CEPT1: variants seen among roughly 807,000 people sequenced by gnomAD.
CEPT1 encodes choline/ethanolamine phosphotransferase 1.
A neutral mutation model predicts 42.6 loss-of-function variants in CEPT1; 7 were observed. The observed-to-expected ratio is 0.16, with a 90% confidence interval of 0.09 to 0.31. The LOEUF (loss-of-function observed/expected upper bound fraction) is 0.31, where lower values mean the gene tolerates loss of function less well. Ranked by LOEUF, CEPT1 falls within the 10% of genes least tolerant of loss-of-function variation. The pLI is 1.00. For missense variants in CEPT1, 306 were observed against 502.1 expected (o/e 0.61, Z 3.73); for synonymous variants, 171 against 171.9 (o/e 0.99, Z 0.04).
rs1165425162 is a variant in CEPT1 at position 111,147,847 on chromosome 1, A to G, written c.133A>G (p.Arg45Gly). 1.9e-6 allele frequency: 3 copies of G among 1,614,062 alleles called. No homozygotes were observed. In the African/African-American group the frequency reaches 4.0e-5, roughly 22 times the overall value. Reference sequence around the variant, plus strand: ...TCAGTTACCAACACCACCATTGTCAAGACACCAACTAAAGCGGCTAGAAGA... The same window carrying G: ...TCAGTTACCAACACCACCATTGTCAGGACACCAACTAAAGCGGCTAGAAGA... ...LFQLPTPPLS[R>G]HQLKRLEEHR... The change falls in exon 2 of 9, where the codon AGA (arginine) becomes GGA (glycine). Residue 45 changes from arginine (R) to glycine (G), a missense_variant. Arg to Gly is a moderately radical substitution (Grantham distance 125, BLOSUM62 -2). Around this residue, in one of 2 missense-constraint regions of CEPT1, gnomAD observed 53 missense variants for 54.8 expected, o/e 0.97. Transcript: ENST00000357172.
At chr1:111,162,004 G>A (rs1028142865) in intron 4 of CEPT1, among the ~76,000 whole-genome samples, 8 of 152,202 alleles carry the variant, frequency 5.3e-5, no homozygotes, top group African/African-American at 1.9e-4. Flanking sequence ...GTCCTGTGAT[G>A]AAGTATGTAT....
chr1:111,171,995 C>T (rs541000568), intron 4 of CEPT1, among the ~76,000 whole-genome samples: 8 of 152,268 alleles, frequency 5.3e-5, no homozygotes, highest in Admixed American at 2.0e-4. Context: ...CCTCGGCCTC[C>T]CCAAAGTGCT....
chr1:111,155,367 C>A lies in CEPT1; in HGVS notation c.340-4013C>A, dbSNP rs570487660. On this transcript the variant is annotated intron_variant, in intron 2 of 8. Coordinates refer to ENST00000357172, the MANE Select transcript of CEPT1 (RefSeq NM_006090.5). ...GATTTTATTTATTTGGGTCTTCTGT[C>A]TTTTTTTCTTGGTTATTCATAGCTA... Among the ~76,000 whole-genome samples, 8 of 151,792 alleles carry A rather than the reference C, an allele frequency of 5.3e-5. No individual in the cohort carries two copies. The South Asian group carries it at 1.7e-3, about 32-fold the overall frequency.
intron 4 of CEPT1, among the ~76,000 whole-genome samples, chr1:111,165,159 C>T (rs1325609530): frequency 1.4e-5 from 2 of 147,994 alleles, no homozygotes; most frequent in East Asian, 2.0e-4. Flanking sequence ...ATGCCATTCT[C>T]CTGCCTCAGC....
At position 111,174,910 on chromosome 1, in the gene CEPT1, A is replaced by G. The variant is rs769391691; in HGVS notation, c.661A>G (p.Ile221Val). 1.2e-6 allele frequency: 2 copies of G among 1,613,068 alleles called. No individual in the cohort carries two copies. Among genetic ancestry groups the G allele is most frequent in the South Asian group, 2.2e-5 (2 of 91,066 alleles). Residue 221 changes from isoleucine to valine, a missense_variant, in exon 5 of 9, where the codon ATA becomes GTA. Around this residue, in one of 2 missense-constraint regions of CEPT1, gnomAD observed 253 missense variants for 447.3 expected, o/e 0.57. Transcript: ENST00000357172. ...IDVTEVQIFIIIMHLLAVIGG... is the reference protein window; with the variant it reads ...IDVTEVQIFIVIMHLLAVIGG... ...TGTGACTGAAGTGCAAATCTTCATA[A>G]TAATCATGCATTTGCTGGCAGTGAT... is the stretch of plus-strand genomic sequence containing the variant.
At position 111,184,249 on chromosome 1, in the gene CEPT1, C is replaced by T; in HGVS notation, c.1190C>T (p.Ser397Phe). Residue 397 changes from serine to phenylalanine, a missense_variant, in exon 9 of 9, where the codon TCT becomes TTT. By Grantham distance (155) the Ser-to-Phe change is radical (BLOSUM62 -2). Coordinates refer to ENST00000357172, the MANE Select transcript of CEPT1 (RefSeq NM_006090.5). ...YCVSVCNQIA[S>F]HLHIHVFRIK... ...GTCAGTGTTTGCAATCAGATTGCGT[C>T]TCACCTGCACATACATGTCTTCAGA... The T allele has an allele frequency of 1.2e-6, 2 of 1,612,870 alleles. No individual in the cohort carries two copies. Among genetic ancestry groups the T allele is most frequent in the South Asian group, 2.2e-5 (2 of 91,044 alleles).
chr1:111,184,272 A>G lies in CEPT1; in HGVS notation c.1213A>G (p.Arg405Gly), dbSNP rs1187486318. The change falls in exon 9 of 9, where the codon AGA (arginine) becomes GGA (glycine). Residue 405 changes from arginine (R) to glycine (G), a missense_variant. By Grantham distance (125) the Arg-to-Gly change is moderately radical. Around this residue, in one of 2 missense-constraint regions of CEPT1, gnomAD observed 253 missense variants for 447.3 expected, o/e 0.57. Transcript: ENST00000357172. ...IASHLHIHVF[R>G]IKVSTAHSNH... ...GTCTCACCTGCACATACATGTCTTC[A>G]GAATCAAGGTCTCTACAGCTCATTC... is the stretch of plus-strand genomic sequence containing the variant. 6.2e-7 allele frequency: 1 copy of G among 1,613,154 alleles called. No individual in the cohort carries two copies. Among genetic ancestry groups the G allele is most frequent in the East Asian group, 2.2e-5 (1 of 44,862 alleles).
intron 2 of CEPT1, among the ~76,000 whole-genome samples, chr1:111,158,711 A>G (rs1157341540): frequency 6.6e-6 from 1 of 152,088 alleles, no homozygotes; most frequent in African/African-American, 2.4e-5. Flanking sequence ...GGAATTTTTC[A>G]TGTAATACCT....
intron 5 of CEPT1, 128 bp downstream of exon 5, chr1:111,175,091 C>T: frequency 1.5e-6 from 1 of 655,528 alleles, no homozygotes; most frequent in East Asian, 2.7e-5. Context: ...CAGTAGAACA[C>T]AACTTCTCTT....
At position 111,158,902 on chromosome 1, in the gene CEPT1, C is replaced by CTTTTT. The variant is rs149230078; in HGVS notation, c.340-453_340-449dup. 6.2e-3 allele frequency among the ~76,000 whole-genome samples: 346 copies of CTTTTT among 55,470 alleles called. 46 individuals carry two copies. Among genetic ancestry groups the CTTTTT allele is most frequent in the Non-Finnish European group, 8.5e-3 (244 of 28,824 alleles). The allele number at this position is 55,470 out of a possible 152,430, so 36.4% of individuals were successfully genotyped here. A position where few individuals can be genotyped will look rare whatever the true frequency, so the allele number is the denominator to read the frequency against. ...CAGGAAATTTAATTCTTTTACAATT[C>CTTTTT]TTTTTTTTTTTTTTTTTTTTTTTTT... On this transcript the variant is annotated intron_variant, in intron 2 of 8. Coordinates refer to ENST00000357172, the MANE Select transcript of CEPT1 (RefSeq NM_006090.5).
chr1:111,157,306 G>C (rs535249662), intron 2 of CEPT1, among the ~76,000 whole-genome samples: 52 of 152,134 alleles, frequency 3.4e-4, no homozygotes, highest in African/African-American at 1.2e-3. Flanking sequence ...TGGACCCCAA[G>C]AAACCCCTAG....
chr1:111,182,232 A>G lies in CEPT1; in HGVS notation c.760A>G (p.Thr254Ala). The change falls in exon 6 of 9, where the codon ACT becomes GCT. Residue 254 changes from threonine to alanine, a missense_variant. Physicochemically the swap from Thr to Ala is moderately conservative, Grantham distance 58. Coordinates refer to ENST00000357172, the MANE Select transcript of CEPT1 (RefSeq NM_006090.5). Reference protein sequence around the residue: ...IQMKIFPALCTVAGTIFSCTN... With the variant: ...IQMKIFPALCAVAGTIFSCTN... ...AATGAAAATTTTTCCTGCACTTTGT[A>G]CTGTAGCAGGGACCATATTTTCCTG... 1.9e-6 allele frequency: 3 copies of G among 1,612,054 alleles called. No individual in the cohort carries two copies. Among genetic ancestry groups the G allele is most frequent in the Non-Finnish European group, 2.5e-6 (3 of 1,178,736 alleles).
rs116801552 is a variant in CEPT1 at position 111,145,443 on chromosome 1, G to A, written c.-73-2199G>A. On this transcript the variant is annotated intron_variant, in intron 1 of 8. Coordinates refer to ENST00000357172, the MANE Select transcript of CEPT1 (RefSeq NM_006090.5). Reference sequence around the variant, plus strand: ...TTTTCTAAACCAAATATTGAGATACGTGATTGACAGAGGTTTTGGATGCCA... The same window carrying A: ...TTTTCTAAACCAAATATTGAGATACATGATTGACAGAGGTTTTGGATGCCA... Among the ~76,000 whole-genome samples the A allele has an allele frequency of 3.8e-3, 573 of 152,308 alleles. 5 individuals are homozygous for A. The highest frequency in any genetic ancestry group is 0.013 in the African/African-American group (537 of 41,564).
intron 5 of CEPT1, among the ~76,000 whole-genome samples, chr1:111,177,548 T>C (rs1479488689): frequency 1.3e-5 from 2 of 152,228 alleles, no homozygotes; most frequent in African/African-American, 4.8e-5. Context: ...GCACGTTATA[T>C]ACATATCCTT....
At chr1:111,167,871 TAAAAG>T in intron 4 of CEPT1, 1 of 637,828 alleles carries the variant, frequency 1.6e-6, no homozygotes, top group African/African-American at 2.0e-5. Flanking sequence ...AATGTACTGC[TAAAAG>T]TAATGTATCT....
intron 4 of CEPT1, among the ~76,000 whole-genome samples, chr1:111,172,881 C>T (rs1465477435): frequency 1.3e-5 from 2 of 152,144 alleles, no homozygotes; most frequent in East Asian, 3.8e-4. Flanking sequence ...AACAGTAAGA[C>T]ATTATTCATC....
chr1:111,155,699 C>T (rs918405741), intron 2 of CEPT1, among the ~76,000 whole-genome samples: 5 of 152,098 alleles, frequency 3.3e-5, no homozygotes, highest in East Asian at 3.9e-4. Flanking sequence ...CCACCACACC[C>T]GGCTAATTTT....
chr1:111,149,641 C>T (rs1264738413), intron 2 of CEPT1, among the ~76,000 whole-genome samples: 1 of 152,180 alleles, frequency 6.6e-6, no homozygotes, highest in Non-Finnish European at 1.5e-5. Flanking sequence ...TAAATGTGTC[C>T]TTGGATTCTT....
chr1:111,157,691 A>G (rs1359490667), intron 2 of CEPT1, among the ~76,000 whole-genome samples: 1 of 152,204 alleles, frequency 6.6e-6, no homozygotes, highest in African/African-American at 2.4e-5. Flanking sequence ...TTCAGGGTTT[A>G]TAACTCTGGC....
Sources: gnomAD v4.1 joint callset for allele counts (sites outside exome capture counted in the v4.1 genomes callset) on GRCh38, gnomAD v4.1.1 for gene constraint, gnomAD v4.1.1 regional missense constraint, MANE v1.5 for transcripts, NCBI Gene and HGNC (gene_info 2026-07-23, HGNC 2026-07-21) for gene names.